The following MDN1 variants were observed in gnomAD, a reference collection of about 807,000 sequenced individuals.
The protein encoded by MDN1 is midasin.
Under a neutral mutation model 669.2 loss-of-function variants are expected in MDN1, and 266 were observed. That is an observed-to-expected ratio of 0.40 (90% CI 0.36 to 0.44). MDN1 has a LOEUF of 0.44. Among genes scored for constraint, MDN1 ranks in the 20% least tolerant of loss-of-function variants. MDN1 has a pLI of 1.00. For synonymous variants in MDN1, 2,385 were observed against 2,457.1 expected (o/e 0.97, Z 0.87); for missense variants, 5,940 against 6,754.0 (o/e 0.88, Z 4.22).
In MDN1 at chr6:89,698,954, T is replaced by A; in HGVS notation, c.9079A>T (p.Thr3027Ser). ...FMSFWSSTVT[T>S]NPEYWLMWNP... ...CACATTAGCCAGTACTCTGGATTTG[T>A]GGTCACAGTACTGCTCCAGAAAGAC... The change falls in exon 59 of 102, where the codon ACA becomes TCA. Residue 3027 changes from threonine to serine, a missense_variant. Physicochemically the swap from Thr to Ser is moderately conservative, Grantham distance 58. This residue lies in a region of MDN1 where 2,292 missense variants were observed against 2,638.3 expected (regional missense o/e 0.87). Coordinates refer to ENST00000369393, the MANE Select transcript of MDN1 (RefSeq NM_014611.3). The A allele has an allele frequency of 6.2e-7, 1 of 1,614,112 alleles. No individual in the cohort carries two copies. Among genetic ancestry groups the A allele is most frequent in the Non-Finnish European group, 8.5e-7 (1 of 1,179,990 alleles).
intron 54 of MDN1, 92 bp from the exon 55 acceptor site, chr6:89,701,770 T>C: frequency 6.6e-7 from 1 of 1,526,682 alleles, no homozygotes; most frequent in Non-Finnish European, 8.8e-7. Flanking sequence ...TCTTTCTTTC[T>C]TTTAATTGTA....
chr6:89,798,181 CAAAAAAAAA>C (rs10706907), intron 2 of MDN1, among the ~76,000 whole-genome samples: 1 of 71,512 alleles, frequency 1.4e-5, no homozygotes, highest in Non-Finnish European at 2.6e-5. Context: ...GACTCTGTCT[CAAAAAAAAA>C]AAAAAAAAAA....
At chr6:89,735,333 ATTT>A (rs200979149) in intron 33 of MDN1, among the ~76,000 whole-genome samples, 2 of 138,334 alleles carry the variant, frequency 1.4e-5, no homozygotes, top group African/African-American at 5.3e-5. Flanking sequence ...TCACAGGTCA[ATTT>A]TTTTTTTTTT....
At chr6:89,748,457 T>C (rs1816777201) in intron 26 of MDN1, among the ~76,000 whole-genome samples, 1 of 152,220 alleles carries the variant, frequency 6.6e-6, no homozygotes, top group African/African-American at 2.4e-5. Flanking sequence ...GTATACTTTC[T>C]GATAAAGAAA....
chr6:89,684,338 G>C lies in MDN1; in HGVS notation c.11830-434C>G, dbSNP rs545652231. ...AGCCTAGGCAACAGAGTTGAGACTG[G>C]GTCTCAAAAAACAAAAACAAAAACA... On this transcript the variant is annotated intron_variant, in intron 71 of 101. Transcript: ENST00000369393. 4.6e-5 allele frequency among the ~76,000 whole-genome samples: 7 copies of C among 151,108 alleles called. No homozygotes were observed. The South Asian group carries it at 1.0e-3, about 23-fold the overall frequency.
chr6:89,651,576 A>G (rs1487513924), intron 95 of MDN1, among the ~76,000 whole-genome samples: 1 of 152,158 alleles, frequency 6.6e-6, no homozygotes, highest in Non-Finnish European at 1.5e-5. Context: ...AGATTGCGCC[A>G]CTGCACTCCA....
intron 57 of MDN1, 27 bp downstream of exon 57, chr6:89,700,036 A>C (rs1364434007): frequency 6.2e-7 from 1 of 1,604,120 alleles, no homozygotes; most frequent in Admixed American, 1.7e-5. Flanking sequence ...AGTTCCCGCA[A>C]GGAAAACAAC....
intron 5 of MDN1, among the ~76,000 whole-genome samples, chr6:89,791,202 G>T (rs758962397): frequency 1.3e-5 from 2 of 152,138 alleles, no homozygotes; most frequent in Non-Finnish European, 2.9e-5. Flanking sequence ...ATGCACAAAG[G>T]TAGGGAAGAG....
At position 89,652,269 on chromosome 6, in the gene MDN1, C is replaced by A. The variant is rs909078458; in HGVS notation, c.15838G>T (p.Asp5280Tyr). ...MDTIFQPFLKDVNELRQELER... is the reference protein window; with the variant it reads ...MDTIFQPFLKYVNELRQELER... ...AGCTCCTGTCTTAGCTCATTGACAT[C>A]TTTTAAAAAGGGCTAAAAAGAAAAA... Residue 5280 changes from aspartate to tyrosine, a missense_variant, in exon 95 of 102, where the codon GAT (aspartate) becomes TAT (tyrosine). This residue lies in a region of MDN1 where 2,280 missense variants were observed against 2,576.3 expected (regional missense o/e 0.88). Transcript: ENST00000369393. The A allele has an allele frequency of 6.2e-7, 1 of 1,612,972 alleles. No homozygotes were observed. Among genetic ancestry groups the A allele is most frequent in the East Asian group, 2.2e-5 (1 of 44,862 alleles).
In MDN1 at chr6:89,670,139, CATATATAT is replaced by C. The variant is rs1168606501; in HGVS notation, c.13956+772_13956+779del. Among the ~76,000 whole-genome samples the C allele has an allele frequency of 9.5e-3, 464 of 48,882 alleles. 13 individuals are homozygous for C. Among genetic ancestry groups the C allele is most frequent in the East Asian group, 0.028 (16 of 574 alleles). The allele number at this position is 48,882 out of a possible 152,430, so 32.1% of individuals were successfully genotyped here. A position where few individuals can be genotyped will look rare whatever the true frequency, so the allele number is the denominator to read the frequency against. On this transcript the variant is annotated intron_variant, in intron 83 of 101. Transcript: ENST00000369393. ...TTTGGAGACTCTGTCTCCAAAAAAA[CATATATAT>C]ATATATATATATATATATATATATT...
intron 66 of MDN1, 140 bp from the exon 67 acceptor site, chr6:89,688,313 T>C (rs757557016): frequency 4.1e-5 from 33 of 797,932 alleles, no homozygotes; most frequent in Non-Finnish European, 5.6e-5. Context: ...CAGAGCAACA[T>C]GGCAGCATTT....
Position 89,661,584 on chromosome 6 carries a change from G to C in MDN1, c.14566-6C>G. The stretch of plus-strand genomic sequence containing the variant: ...TCATTTTCATCATAGTCCCTCTTTG[G>C]GACAATGGAGACAACAGGGATAAAA... On this transcript the variant is annotated splice_polypyrimidine_tract_variant and splice_region_variant and intron_variant, in intron 87 of 101. Transcript: ENST00000369393. 1.2e-6 allele frequency: 2 copies of C among 1,604,382 alleles called. No individual in the cohort carries two copies. The highest frequency in any genetic ancestry group is 1.7e-6 in the Non-Finnish European group (2 of 1,177,496).
intron 36 of MDN1, 131 bp downstream of exon 36, chr6:89,728,800 C>A: frequency 1.0e-6 from 1 of 992,578 alleles, no homozygotes; most frequent in Admixed American, 2.7e-5. Context: ...CTCAAAAAAA[C>A]AAAGAAAAGA....
At chr6:89,752,382 T>A (rs1817001427) in intron 22 of MDN1, among the ~76,000 whole-genome samples, 1 of 152,234 alleles carries the variant, frequency 6.6e-6, no homozygotes, top group African/African-American at 2.4e-5. Flanking sequence ...CTTTACTCAA[T>A]GTTTTTACAA....
At chr6:89,776,819 G>T in intron 11 of MDN1, 124 bp from the exon 12 acceptor site, 1 of 667,986 alleles carries the variant, frequency 1.5e-6, no homozygotes. Flanking sequence ...CTCTAAAAAT[G>T]AAGGGAGTGC....
Position 89,687,412 on chromosome 6 carries a change from A to G in MDN1, c.11382T>C (p.Ala3794=), listed in dbSNP as rs764738716. 8.7e-6 allele frequency: 14 copies of G among 1,613,942 alleles called. No homozygotes were observed. The highest frequency in any genetic ancestry group is 6.7e-5 in the East Asian group (3 of 44,894). The stretch of plus-strand genomic sequence containing the variant: ...AATCAAGATGTTTCCGCAAAGACAA[A>G]GCTCGACTTGCATTTTCCTCCCAAT... ...AQDWEENASR[A]LSLRKHLDLI... The change falls in exon 68 of 102, where the codon GCT becomes GCC. Residue 3794 remains alanine, a synonymous_variant. Transcript: ENST00000369393.
chr6:89,705,323 G>A (rs1259438047), intron 53 of MDN1, among the ~76,000 whole-genome samples: 1 of 151,964 alleles, frequency 6.6e-6, no homozygotes, highest in African/African-American at 2.4e-5. Context: ...ATATAACATC[G>A]TTGGAGTTTT....
chr6:89,672,355 C>T lies in MDN1; in HGVS notation c.13639G>A (p.Glu4547Lys). 1 of 1,612,564 alleles carries T rather than the reference C, an allele frequency of 6.2e-7. No individual in the cohort carries two copies. The highest frequency in any genetic ancestry group is 8.5e-7 in the Non-Finnish European group (1 of 1,179,720). The change falls in exon 82 of 102, where the codon GAG (glutamate) becomes AAG (lysine). Residue 4547 changes from glutamate (E) to lysine (K), a missense_variant. Around this residue, in one of 5 missense-constraint regions of MDN1, gnomAD observed 2,280 missense variants for 2,576.3 expected, o/e 0.88. Transcript: ENST00000369393. ...ASPQEDYAGF[E>K]RLQSGHLTKL... ...GTTAGATGTCCTGATTGCAGTCTCT[C>T]AAAGCCTGCTGCCTCATTCATTCAG... is the stretch of plus-strand genomic sequence containing the variant.
chr6:89,704,839 C>A (rs1335010143), intron 53 of MDN1, among the ~76,000 whole-genome samples: 1 of 152,208 alleles, frequency 6.6e-6, no homozygotes, highest in Non-Finnish European at 1.5e-5. Context: ...CTCAGCCTCC[C>A]AAAGTCCTGG....
Sources: allele counts gnomAD v4.1 joint callset (sites outside exome capture counted in the v4.1 genomes callset), GRCh38; gene constraint gnomAD v4.1.1; regional missense constraint gnomAD v4.1.1; transcripts MANE v1.5; gene names NCBI Gene and HGNC (gene_info 2026-07-23, HGNC 2026-07-21).